Variants in ZMYM1 observed in about 807,000 individuals in gnomAD.
The protein encoded by ZMYM1 is zinc finger MYM-type containing 1, also known as zinc finger MYM-type protein 1.
ZMYM1 carries 39 observed loss-of-function variants against 60.0 expected under a neutral mutation model. That is an observed-to-expected ratio of 0.65 (90% confidence interval 0.50 to 0.85). The LOEUF is 0.85. Ranked by LOEUF, ZMYM1 falls within the 40% of genes least tolerant of loss-of-function variation. The probability of loss-of-function intolerance (pLI) is 0.00; values close to 1 mark genes in which losing one functional copy is unlikely to be tolerated. For missense variants in ZMYM1, 1,171 were observed against 1,309.5 expected, an observed-to-expected ratio of 0.89 and a Z score of 1.63; for synonymous variants, 413 against 454.0, an observed-to-expected ratio of 0.91 and a Z score of 1.15.
intron 1 of ZMYM1, among the ~76,000 whole-genome samples, chr1:35,084,307 T>C (rs1322623705): frequency 2.0e-5 from 3 of 152,312 alleles, no homozygotes; most frequent in East Asian, 3.9e-4. Flanking sequence ...GGTTTGTTTC[T>C]ATTGCCATTT....
At chr1:35,072,635 G>C (rs1431136866) in intron 1 of ZMYM1, among the ~76,000 whole-genome samples, 1 of 151,926 alleles carries the variant, frequency 6.6e-6, no homozygotes, top group Non-Finnish European at 1.5e-5. Context: ...GAGGTGCATG[G>C]TTAGGTAGTT....
chr1:35,118,241 CAAAAA>C (rs11364403), downstream of ZMYM1, among the ~76,000 whole-genome samples: 2 of 100,130 alleles, frequency 2.0e-5, no homozygotes, highest in Non-Finnish European at 4.1e-5. Flanking sequence ...AACTCCGTCT[CAAAAA>C]AAAAAAAAAA....
intron 1 of ZMYM1, among the ~76,000 whole-genome samples, chr1:35,079,840 G>C (rs1642276106): frequency 6.6e-6 from 1 of 152,224 alleles, no homozygotes; most frequent in Admixed American, 6.5e-5. Context: ...GGCCGGGCGT[G>C]GTGCCTCAAG....
At chr1:35,094,108 T>G (rs1557664729) in intron 2 of ZMYM1, 25 bp downstream of exon 2, 2 of 1,583,788 alleles carry the variant, frequency 1.3e-6, no homozygotes, top group Non-Finnish European at 1.7e-6. Flanking sequence ...TTATTTCCAT[T>G]ATTTCTAGAG....
chr1:35,104,671 A>G lies in ZMYM1; in HGVS notation c.709A>G (p.Thr237Ala). The stretch of plus-strand genomic sequence containing the variant: ...CATGAACTGCTGTGAGAACTGTGGC[A>G]CTTACTGTTACACCAGCTCTAGTCT... Reference protein sequence around the residue: ...FIMNCCENCGTYCYTSSSLSH... With the variant: ...FIMNCCENCGAYCYTSSSLSH... Residue 237 changes from threonine (T) to alanine (A), a missense_variant, in exon 6 of 10, where the codon ACT becomes GCT. Physicochemically the swap from Thr to Ala is moderately conservative, Grantham distance 58. Transcript: ENST00000359858. 6.2e-7 allele frequency: 1 copy of G among 1,614,182 alleles called. No individual in the cohort carries two copies. The highest frequency in any genetic ancestry group is 1.7e-5 in the Admixed American group (1 of 60,010).
At chr1:35,081,159 C>T (rs1300237648) in intron 1 of ZMYM1, among the ~76,000 whole-genome samples, 1 of 152,078 alleles carries the variant, frequency 6.6e-6, no homozygotes, top group Non-Finnish European at 1.5e-5. Flanking sequence ...ACTCCGACCT[C>T]AGCTGATCCA....
At chr1:35,107,516 T>C (rs1372273168) in intron 6 of ZMYM1, among the ~76,000 whole-genome samples, 4 of 151,228 alleles carry the variant, frequency 2.6e-5, no homozygotes, top group Non-Finnish European at 5.9e-5. Flanking sequence ...GTTCAGCTTA[T>C]GTGATGGGGC....
upstream of ZMYM1, among the ~76,000 whole-genome samples, chr1:35,076,238 C>T (rs1334444539): frequency 1.3e-5 from 2 of 152,202 alleles, no homozygotes; most frequent in Admixed American, 1.3e-4. Context: ...CAACACTAGA[C>T]CCCCTTCTTT....
Position 35,104,682 on chromosome 1 carries a change from C to A in ZMYM1, c.720C>A (p.Tyr240Ter), listed in dbSNP as rs747157443. The A allele has an allele frequency of 3.1e-6, 5 of 1,614,178 alleles. No individual in the cohort carries two copies. Among genetic ancestry groups the A allele is most frequent in the Non-Finnish European group, 4.2e-6 (5 of 1,180,022 alleles). Residue 240 changes from tyrosine (Y) to a stop codon, truncating the protein, a stop_gained, in exon 6 of 10, where the codon TAC (tyrosine) becomes TAA (stop). Transcript: ENST00000359858. LOFTEE classifies it high-confidence loss of function. ...NCCENCGTYC[Y>*]TSSSLSHILQ... ...GTGAGAACTGTGGCACTTACTGTTA[C>A]ACCAGCTCTAGTCTGTCCCACATAC...
At chr1:35,088,450 A>ATGTG (rs1198947267) in intron 1 of ZMYM1, among the ~76,000 whole-genome samples, 15 of 104,000 alleles carry the variant, frequency 1.4e-4, no homozygotes, top group African/African-American at 4.0e-4. Flanking sequence ...ATATATATAT[A>ATGTG]TATATGTGTG....
intron 1 of ZMYM1, among the ~76,000 whole-genome samples, chr1:35,081,538 A>G (rs1642388159): frequency 6.6e-6 from 1 of 152,166 alleles, no homozygotes; most frequent in South Asian, 2.1e-4. Context: ...ATGAGCATTT[A>G]TTTAGATCTT....
In ZMYM1 at chr1:35,104,744, CAA is replaced by C. The variant is rs749491001; in HGVS notation, c.784_785del (p.Lys262GlufsTer6). 1 of 1,613,902 alleles carries C rather than the reference CAA, an allele frequency of 6.2e-7. No homozygotes were observed. Among genetic ancestry groups the C allele is most frequent in the East Asian group, 2.2e-5 (1 of 44,866 alleles). ...GGACAGTCTCATTACTTTAATAGTT[CAA>C]AGAGTATTACAGCATATAAGCAGGT... On this transcript the variant is annotated frameshift_variant, in exon 6 of 10. Transcript: ENST00000359858. LOFTEE classifies it high-confidence loss of function.
At chr1:35,096,437 G>A (rs1270283346) in intron 3 of ZMYM1, among the ~76,000 whole-genome samples, 1 of 151,924 alleles carries the variant, frequency 6.6e-6, no homozygotes, top group African/African-American at 2.4e-5. Flanking sequence ...ACCAGCCTGG[G>A]CAACATAGCG....
In ZMYM1 at chr1:35,112,976, G is replaced by A; in HGVS notation, c.1147-1G>A. The A allele has an allele frequency of 6.6e-7, 1 of 1,524,366 alleles. No individual in the cohort carries two copies. Among genetic ancestry groups the A allele is most frequent in the South Asian group, 1.3e-5 (1 of 76,288 alleles). The allele number at this position is 1,524,366 out of a possible 1,614,324, so 94.4% of individuals were successfully genotyped here. ...TGTTCTTTTCTCATTTTCTCCCAAA[G>A]CTTTCTAAGAGTTCACCTAGTGAAC... is the stretch of plus-strand genomic sequence containing the variant. On this transcript the variant is annotated splice_acceptor_variant, in intron 9 of 9. Coordinates refer to ENST00000359858, the MANE Select transcript of ZMYM1 (RefSeq NM_024772.5). LOFTEE classifies it high-confidence loss of function.
At chr1:35,082,610 C>T (rs1642447652) in intron 1 of ZMYM1, among the ~76,000 whole-genome samples, 2 of 151,128 alleles carry the variant, frequency 1.3e-5, no homozygotes, top group Admixed American at 6.6e-5. Context: ...GGATTACAGG[C>T]GTGAGCCACC....
chr1:35,093,906 T>C lies in ZMYM1; in HGVS notation c.-74-8T>C. The C allele has an allele frequency of 2.1e-6, 2 of 969,296 alleles. No homozygotes were observed. Among genetic ancestry groups the C allele is most frequent in the South Asian group, 3.8e-5 (2 of 52,672 alleles). 60.0% of individuals were successfully genotyped at this position (969,296 alleles called of 1,614,324 possible). A position where few individuals can be genotyped will look rare whatever the true frequency, so the allele number is the denominator to read the frequency against. On this transcript the variant is annotated splice_region_variant and splice_polypyrimidine_tract_variant and intron_variant, in intron 1 of 9. Transcript: ENST00000359858. ...AAAATCAAACTCTTTATCAATATTT[T>C]ATTTTAGGAATCTGGAAACTGTTCT...
upstream of ZMYM1, among the ~76,000 whole-genome samples, chr1:35,078,537 ATTTTTTTTTT>A (rs751468260): frequency 4.9e-5 from 4 of 82,220 alleles, 1 homozygote; most frequent in East Asian, 1.2e-3. Context: ...GGTTATTTTA[ATTTTTTTTTT>A]TTTTTTTTTT....
chr1:35,101,018 G>C (rs1426394554), intron 4 of ZMYM1, among the ~76,000 whole-genome samples: 3 of 151,696 alleles, frequency 2.0e-5, no homozygotes, highest in Admixed American at 6.6e-5. Flanking sequence ...GTCCAGACTG[G>C]TCTTGAACTC....
intron 4 of ZMYM1, among the ~76,000 whole-genome samples, chr1:35,102,470 A>G (rs1443475360): frequency 2.0e-5 from 3 of 152,222 alleles, no homozygotes; most frequent in Admixed American, 6.5e-5. Context: ...AAAAATCACC[A>G]CTAATCTCAG....
Sources: gnomAD v4.1 joint callset for allele counts (sites outside exome capture counted in the v4.1 genomes callset) on GRCh38, gnomAD v4.1.1 for gene constraint, MANE v1.5 for transcripts, NCBI Gene and HGNC (gene_info 2026-07-23, HGNC 2026-07-21) for gene names.